STAC: variants seen among roughly 807,000 people sequenced by gnomAD.
The protein encoded by STAC is SH3 and cysteine-rich domain-containing protein.
Under a neutral mutation model 48.8 loss-of-function variants are expected in STAC, and 43 were observed. That is an observed-to-expected ratio of 0.88 (90% confidence interval 0.69 to 1.14). STAC has a LOEUF of 1.14. Ranked by LOEUF, STAC falls within the 50% of genes most tolerant of loss-of-function variation. The pLI is 0.00. For missense variants in STAC, 497 were observed against 504.0 expected, an observed-to-expected ratio of 0.99 and a Z score of 0.13; for synonymous variants, 193 against 179.5, an observed-to-expected ratio of 1.07 and a Z score of -0.60.
At chr3:36,503,080 C>G (rs1431932514) in intron 6 of STAC, among the ~76,000 whole-genome samples, 1 of 152,120 alleles carries the variant, frequency 6.6e-6, no homozygotes, top group African/African-American at 2.4e-5. Context: ...GGTTATAGAG[C>G]TTTCTGTGGT....
At chr3:36,389,634 T>C (rs992681484) in intron 1 of STAC, among the ~76,000 whole-genome samples, 3 of 152,228 alleles carry the variant, frequency 2.0e-5, no homozygotes, top group African/African-American at 7.2e-5. Context: ...ATTAATTTTA[T>C]AATCTAAAAT....
rs1357947532 is a variant in STAC, at chr3:36,434,530, T to C, written c.112-8834T>C. Among the ~76,000 whole-genome samples the C allele has an allele frequency of 2.0e-5, 3 of 152,222 alleles. No homozygotes were observed. In the East Asian group the frequency reaches 5.8e-4, roughly 29 times the overall value. On this transcript the variant is annotated intron_variant, in intron 1 of 10. Transcript: ENST00000273183. The stretch of plus-strand genomic sequence containing the variant: ...AGTGCATTATTGGTACAGTGTTAAA[T>C]AGCCAAGGAAATGTCTGTATAGTGG...
At chr3:36,469,969 T>C (rs1697284186) in intron 2 of STAC, among the ~76,000 whole-genome samples, 1 of 152,186 alleles carries the variant, frequency 6.6e-6, no homozygotes, top group Non-Finnish European at 1.5e-5. Context: ...TTTGCATTCA[T>C]ATCCTGTATC....
intron 2 of STAC, among the ~76,000 whole-genome samples, chr3:36,451,265 T>C (rs888792969): frequency 2.6e-5 from 4 of 152,216 alleles, no homozygotes; most frequent in African/African-American, 7.2e-5. Flanking sequence ...TTCTTTATTC[T>C]ACATTTCTCA....
intron 8 of STAC, among the ~76,000 whole-genome samples, chr3:36,524,216 G>A (rs777437547): frequency 5.9e-5 from 9 of 152,210 alleles, no homozygotes; most frequent in Non-Finnish European, 7.4e-5. Flanking sequence ...GTTGGGGTGC[G>A]GACTTAGTCA....
At chr3:36,458,850 C>T (rs1696922827) in intron 2 of STAC, among the ~76,000 whole-genome samples, 1 of 152,210 alleles carries the variant, frequency 6.6e-6, no homozygotes, top group Non-Finnish European at 1.5e-5. Flanking sequence ...CAGGACATCT[C>T]AGAAATTTAG....
chr3:36,380,880 T>C (rs2125607342), intron 1 of STAC, 126 bp downstream of exon 1: 1 of 530,758 alleles, frequency 1.9e-6, no homozygotes, highest in Non-Finnish European at 3.2e-6. Flanking sequence ...CCCAGGGCTG[T>C]AGGACTTGAA....
intron 1 of STAC, among the ~76,000 whole-genome samples, chr3:36,398,690 A>G (rs866340293): frequency 7.1e-6 from 1 of 140,892 alleles, no homozygotes; most frequent in Non-Finnish European, 1.6e-5. Flanking sequence ...AGAAAGAAAG[A>G]AAAGAAAGAA....
chr3:36,510,436 A>G (rs541605628), intron 8 of STAC, among the ~76,000 whole-genome samples: 1 of 152,268 alleles, frequency 6.6e-6, no homozygotes, highest in African/African-American at 2.4e-5. Context: ...CTACCTTTTG[A>G]CCCAGCAATC....
intron 6 of STAC, among the ~76,000 whole-genome samples, chr3:36,494,266 C>T (rs1698078234): frequency 6.6e-6 from 1 of 151,242 alleles, no homozygotes; most frequent in African/African-American, 2.4e-5. Flanking sequence ...TCAATAACTA[C>T]TTAACCTTCA....
intron 10 of STAC, among the ~76,000 whole-genome samples, chr3:36,544,136 A>G (rs568904368): frequency 6.6e-6 from 1 of 152,034 alleles, no homozygotes; most frequent in South Asian, 2.1e-4. Flanking sequence ...TCCAAGACAC[A>G]CTCCCTGCTC....
chr3:36,528,265 T>C (rs886994609), intron 8 of STAC, among the ~76,000 whole-genome samples: 4 of 152,096 alleles, frequency 2.6e-5, no homozygotes, highest in Non-Finnish European at 5.9e-5. Flanking sequence ...GGTCAGGAGA[T>C]TGAGACCATC....
At chr3:36,392,533 C>CTTAT (rs1352797997) in intron 1 of STAC, among the ~76,000 whole-genome samples, 1 of 151,810 alleles carries the variant, frequency 6.6e-6, no homozygotes. Context: ...TATTTACTTA[C>CTTAT]TTATTTATTT....
At chr3:36,396,850 A>T (rs1699867220) in intron 1 of STAC, among the ~76,000 whole-genome samples, 1 of 152,124 alleles carries the variant, frequency 6.6e-6, no homozygotes, top group Non-Finnish European at 1.5e-5. Flanking sequence ...TTTTCCTCGC[A>T]CTAATGACTC....
chr3:36,395,568 G>C (rs1699840576), intron 1 of STAC, among the ~76,000 whole-genome samples: 1 of 152,122 alleles, frequency 6.6e-6, no homozygotes, highest in African/African-American at 2.4e-5. Context: ...TACATGAATA[G>C]AGATTCTAAG....
intron 2 of STAC, among the ~76,000 whole-genome samples, chr3:36,462,917 C>G (rs1183422376): frequency 6.6e-6 from 1 of 151,926 alleles, no homozygotes; most frequent in Non-Finnish European, 1.5e-5. Flanking sequence ...AATGAGAAGT[C>G]TATTTATATG....
At chr3:36,462,567 G>A (rs1312654117) in intron 2 of STAC, among the ~76,000 whole-genome samples, 2 of 152,172 alleles carry the variant, frequency 1.3e-5, no homozygotes, top group Non-Finnish European at 2.9e-5. Flanking sequence ...TAGAAGAGGA[G>A]GAACTAGCAA....
At chr3:36,545,837 G>T (rs1217739773) in intron 10 of STAC, among the ~76,000 whole-genome samples, 2 of 152,188 alleles carry the variant, frequency 1.3e-5, no homozygotes, top group Non-Finnish European at 2.9e-5. Context: ...AATGTCCTGA[G>T]AATTCATTGC....
intron 2 of STAC, among the ~76,000 whole-genome samples, chr3:36,468,734 T>C (rs891360714): frequency 1.4e-5 from 2 of 146,236 alleles, no homozygotes; most frequent in African/African-American, 5.0e-5. Flanking sequence ...TATGTATATA[T>C]ATATAAAATA....
Sources: gnomAD v4.1 joint callset for allele counts (sites outside exome capture counted in the v4.1 genomes callset) on GRCh38, gnomAD v4.1.1 for gene constraint, MANE v1.5 for transcripts, NCBI Gene and HGNC (gene_info 2026-07-23, HGNC 2026-07-21) for gene names.